The following NIM1K variants were observed in gnomAD, a reference collection of about 807,000 sequenced individuals.
The protein encoded by NIM1K is NIM1 serine/threonine protein kinase, also known as serine/threonine-protein kinase NIM1.
A neutral mutation model predicts 37.1 loss-of-function variants in NIM1K; 35 were observed. The observed-to-expected ratio is 0.94, with a 90% CI of 0.72 to 1.25. NIM1K has a LOEUF of 1.25. Among genes scored for constraint, NIM1K ranks in the 50% most tolerant of loss-of-function variants. The pLI is 0.00. For missense variants in NIM1K, 564 were observed against 548.0 expected (o/e 1.03, Z -0.29); for synonymous variants, 234 against 206.6 (o/e 1.13, Z -1.14).
chr5:43,222,888 C>G (rs1454605761), intron 1 of NIM1K, among the ~76,000 whole-genome samples: 1 of 152,034 alleles, frequency 6.6e-6, no homozygotes, highest in Non-Finnish European at 1.5e-5. Flanking sequence ...CGCCTGTAAT[C>G]CCAGAACTTT....
intron 2 of NIM1K, among the ~76,000 whole-genome samples, chr5:43,268,537 G>A (rs1227963559): frequency 6.6e-6 from 1 of 152,140 alleles, no homozygotes; most frequent in Non-Finnish European, 1.5e-5. Flanking sequence ...TCCAAGTGAA[G>A]CCATCGGTGT....
intron 1 of NIM1K, among the ~76,000 whole-genome samples, chr5:43,226,286 G>A (rs1289690560): frequency 1.3e-5 from 2 of 152,186 alleles, no homozygotes; most frequent in Admixed American, 1.3e-4. Flanking sequence ...TGGATGCTTT[G>A]TTAGAAACAA....
intron 1 of NIM1K, among the ~76,000 whole-genome samples, chr5:43,214,212 C>T (rs1752264175): frequency 6.6e-6 from 1 of 152,162 alleles, no homozygotes; most frequent in Non-Finnish European, 1.5e-5. Context: ...TTATCAGAGA[C>T]AGGCCACATT....
At chr5:43,269,112 C>CTCA (rs1287456182) in intron 2 of NIM1K, among the ~76,000 whole-genome samples, 1 of 151,682 alleles carries the variant, frequency 6.6e-6, no homozygotes, top group African/African-American at 2.4e-5. Context: ...AGTTCAAGAC[C>CTCA]AGCCAGACAG....
intron 2 of NIM1K, among the ~76,000 whole-genome samples, chr5:43,264,558 G>A (rs377478213): frequency 2.6e-5 from 4 of 152,150 alleles, no homozygotes; most frequent in East Asian, 1.9e-4. Flanking sequence ...ACACTGATGC[G>A]TCTTGACTCT....
intron 1 of NIM1K, among the ~76,000 whole-genome samples, chr5:43,230,054 C>T (rs901946626): frequency 6.6e-6 from 1 of 152,006 alleles, no homozygotes; most frequent in Non-Finnish European, 1.5e-5. Flanking sequence ...ACTAGTTATA[C>T]ATGTTATAAA....
intron 1 of NIM1K, among the ~76,000 whole-genome samples, chr5:43,194,372 A>G (rs1254277663): frequency 6.6e-6 from 1 of 152,156 alleles, no homozygotes; most frequent in Non-Finnish European, 1.5e-5. Context: ...TTTTAGCTGG[A>G]CCACTGTTAA....
At chr5:43,255,568 G>A (rs1347110284) in intron 2 of NIM1K, among the ~76,000 whole-genome samples, 3 of 152,102 alleles carry the variant, frequency 2.0e-5, no homozygotes. Flanking sequence ...GGCCGACATG[G>A]TGAAACCACA....
intron 2 of NIM1K, among the ~76,000 whole-genome samples, chr5:43,269,907 C>T (rs932384156): frequency 7.9e-5 from 12 of 152,020 alleles, no homozygotes; most frequent in South Asian, 2.1e-4. Context: ...TGTGAGCCAC[C>T]GTGCCCGGCC....
At chr5:43,257,787 G>T (rs1252136465) in intron 2 of NIM1K, among the ~76,000 whole-genome samples, 1 of 149,864 alleles carries the variant, frequency 6.7e-6, no homozygotes. Flanking sequence ...AGCCTCTCAT[G>T]GTGGCACATG....
intron 1 of NIM1K, among the ~76,000 whole-genome samples, chr5:43,234,697 C>T (rs549695542): frequency 5.3e-5 from 8 of 152,168 alleles, no homozygotes; most frequent in Non-Finnish European, 1.0e-4. Flanking sequence ...TGCAGTGGCG[C>T]GATCTTGGCT....
intron 1 of NIM1K, among the ~76,000 whole-genome samples, chr5:43,214,831 A>G (rs1006335314): frequency 6.8e-6 from 1 of 147,048 alleles, no homozygotes; most frequent in Non-Finnish European, 1.5e-5. Context: ...AAAAAAAAAA[A>G]CAAAAAAGAA....
chr5:43,229,568 CTG>C (rs1310166262), intron 1 of NIM1K, among the ~76,000 whole-genome samples: 3 of 151,788 alleles, frequency 2.0e-5, no homozygotes, highest in Non-Finnish European at 4.4e-5. Flanking sequence ...CAGATAAAAT[CTG>C]TCTCTATTTA....
Position 43,280,001 on chromosome 5 carries a change from A to G in NIM1K, c.583A>G (p.Arg195Gly), listed in dbSNP as rs1254562884. The G allele has an allele frequency of 3.1e-6, 5 of 1,610,424 alleles. No homozygotes were observed. The highest frequency in any genetic ancestry group is 4.2e-6 in the Non-Finnish European group (5 of 1,176,812). ...KHMHENQIIH[R>G]DLKAENVFYT... ...ACAGCATGAAAACCAAATTATTCATAGAGATCTGAAAGCAGAAAATGTATT... is the reference window on the plus strand; with the variant it reads ...ACAGCATGAAAACCAAATTATTCATGGAGATCTGAAAGCAGAAAATGTATT... Residue 195 changes from arginine to glycine, a missense_variant, in exon 4 of 4, where the codon AGA becomes GGA. By Grantham distance (125) the Arg-to-Gly change is moderately radical. Coordinates refer to ENST00000326035, the MANE Select transcript of NIM1K (RefSeq NM_153361.4).
chr5:43,274,352 A>T (rs1202021741), intron 2 of NIM1K, among the ~76,000 whole-genome samples: 1 of 152,078 alleles, frequency 6.6e-6, no homozygotes, highest in Non-Finnish European at 1.5e-5. Context: ...CACAGGGAGG[A>T]TGGGGCAGCA....
intron 2 of NIM1K, among the ~76,000 whole-genome samples, chr5:43,260,033 G>T (rs998422473): frequency 1.3e-5 from 2 of 152,068 alleles, no homozygotes; most frequent in Non-Finnish European, 2.9e-5. Context: ...TACTAAATAG[G>T]GTGTCCTTTC....
intron 1 of NIM1K, among the ~76,000 whole-genome samples, chr5:43,221,447 C>CAAAAAAAAAAAAAAAAAAAAA (rs55658060): frequency 8.1e-6 from 1 of 124,112 alleles, no homozygotes; most frequent in African/African-American, 3.3e-5. Context: ...GAGACTGTCT[C>CAAAAAAAAAAAAAAAAAAAAA]AAAAAAAAAA....
At chr5:43,210,865 G>C (rs1038491029) in intron 1 of NIM1K, among the ~76,000 whole-genome samples, 3 of 152,196 alleles carry the variant, frequency 2.0e-5, no homozygotes, top group Non-Finnish European at 4.4e-5. Context: ...ACATCTTGAT[G>C]TTACAGAAAG....
At chr5:43,203,513 CATAA>C (rs1752064566) in intron 1 of NIM1K, among the ~76,000 whole-genome samples, 1 of 152,136 alleles carries the variant, frequency 6.6e-6, no homozygotes, top group Non-Finnish European at 1.5e-5. Flanking sequence ...TTTTTCTGTC[CATAA>C]ATCTTCCACC....
Sources: gnomAD v4.1 joint callset for allele counts (sites outside exome capture counted in the v4.1 genomes callset) on GRCh38, gnomAD v4.1.1 for gene constraint, MANE v1.5 for transcripts, NCBI Gene and HGNC (gene_info 2026-07-23, HGNC 2026-07-21) for gene names.